The following COL20A1 variants were observed in gnomAD, a reference collection of about 807,000 sequenced individuals.
COL20A1 encodes collagen type XX alpha 1 chain.
Under a neutral mutation model 152.9 loss-of-function variants are expected in COL20A1, and 164 were observed. That is an observed-to-expected ratio of 1.07 (90% confidence interval 0.94 to 1.22). COL20A1 has a LOEUF of 1.22. Among genes scored for constraint, COL20A1 ranks in the 50% most tolerant of loss-of-function variants. The pLI, the probability that COL20A1 is intolerant of heterozygous loss-of-function variation, is 0.00. For missense variants in COL20A1, 1,873 were observed against 1,744.8 expected (o/e 1.07, Z -1.31); for synonymous variants, 864 against 756.0 (o/e 1.14, Z -2.34).
chr20:63,307,573 C>G lies in COL20A1; in HGVS notation c.580C>G (p.His194Asp). The change falls in exon 6 of 36, where the codon CAC becomes GAC. Residue 194 changes from histidine (H) to aspartate (D), a missense_variant. Coordinates refer to ENST00000358894, the MANE Select transcript of COL20A1 (RefSeq NM_020882.4). Reference sequence around the variant, plus strand: ...CGGGTCCTGGAGCATTGGCCACAGTCACTTCCAGCAGGTCAAGGACTTCCT... The same window carrying G: ...CGGGTCCTGGAGCATTGGCCACAGTGACTTCCAGCAGGTCAAGGACTTCCT... ...VDGSWSIGHS[H>D]FQQVKDFLAS... The G allele has an allele frequency of 3.7e-6, 6 of 1,612,708 alleles. No individual in the cohort carries two copies. The highest frequency in any genetic ancestry group is 4.2e-6 in the Non-Finnish European group (5 of 1,179,736).
chr20:63,320,499 G>T, intron 25 of COL20A1, 131 bp downstream of exon 25: 1 of 907,158 alleles, frequency 1.1e-6, no homozygotes, highest in Non-Finnish European at 1.7e-6. Flanking sequence ...AAGGCTTTCA[G>T]AGGAGGCAGC....
intron 9 of COL20A1, 65 bp from the exon 10 acceptor site, chr20:63,309,692 AG>A: frequency 7.1e-7 from 1 of 1,411,356 alleles, no homozygotes. Context: ...AGTGGCCACC[AG>A]GGGGAGCGTG....
At chr20:63,307,020 C>T (rs975075139) in intron 5 of COL20A1, among the ~76,000 whole-genome samples, 4 of 152,226 alleles carry the variant, frequency 2.6e-5, no homozygotes, top group Non-Finnish European at 5.9e-5. Flanking sequence ...CTCGTTCAGG[C>T]ATCTCCCCGG....
At chr20:63,329,761 TGGG>T (rs1422803436) in intron 35 of COL20A1, 100 bp downstream of exon 35, 1 of 830,234 alleles carries the variant, frequency 1.2e-6, no homozygotes, top group Non-Finnish European at 1.8e-6. Context: ...CTGTCCAGGG[TGGG>T]GTGCTGGGAG....
At position 63,311,173 on chromosome 20, in the gene COL20A1, T is replaced by C. The variant is rs1362976936; in HGVS notation, c.1394-221T>C. ...CGGAGGCCACATTCCTCCCATGACC[T>C]CAAGGCAGATGGCCTTAGACAAAAC... is the stretch of plus-strand genomic sequence containing the variant. On this transcript the variant is annotated intron_variant, in intron 11 of 35. Coordinates refer to ENST00000358894, the MANE Select transcript of COL20A1 (RefSeq NM_020882.4). The surrounding 1 kb of genome is among the most constrained non-coding windows in gnomAD (Gnocchi z 4.4). Among the ~76,000 whole-genome samples the C allele has an allele frequency of 6.6e-6, 1 of 152,178 alleles. No individual in the cohort carries two copies. Among genetic ancestry groups the C allele is most frequent in the African/African-American group, 2.4e-5 (1 of 41,430 alleles).
intron 9 of COL20A1, 57 bp from the exon 10 acceptor site, chr20:63,309,701 G>C: frequency 6.9e-7 from 1 of 1,449,456 alleles, no homozygotes; most frequent in South Asian, 1.4e-5. Flanking sequence ...CAGGGGGAGC[G>C]TGGACACAGC....
chr20:63,328,520 G>A (rs2068288136), intron 34 of COL20A1, 22 bp downstream of exon 34: 1 of 1,594,602 alleles, frequency 6.3e-7, no homozygotes. Flanking sequence ...CTGGCTCTTG[G>A]GGAGGGAGTT....
chr20:63,314,274 G>A (rs2068056492), intron 19 of COL20A1, 73 bp downstream of exon 19: 52 of 1,371,098 alleles, frequency 3.8e-5, no homozygotes, highest in Non-Finnish European at 5.0e-5. Flanking sequence ...GACCCTGCCA[G>A]CTCCAGACTC....
intron 10 of COL20A1, 71 bp from the exon 11 acceptor site, chr20:63,310,310 G>T: frequency 1.3e-6 from 2 of 1,543,982 alleles, no homozygotes; most frequent in South Asian, 2.3e-5. Flanking sequence ...TCCAGCTGAC[G>T]GAGTTCCTGT....
At position 63,297,983 on chromosome 20, in the gene COL20A1, C is replaced by T. The variant is rs780383977; in HGVS notation, c.156C>T (p.Ser52=). 10 of 1,612,564 alleles carry T rather than the reference C, an allele frequency of 6.2e-6. No homozygotes were observed. In the Middle Eastern group the frequency reaches 5.0e-4, roughly 80 times the overall value. ...LQMKWRESEG[S]GLGYLVQVKP... Reference sequence around the variant, plus strand: ...TGAAGTGGAGAGAGTCGGAGGGGAGCGGCCTCGGCTACCTGGTGCAGGTGA... The same window carrying T: ...TGAAGTGGAGAGAGTCGGAGGGGAGTGGCCTCGGCTACCTGGTGCAGGTGA... The change falls in exon 3 of 36, where the codon AGC becomes AGT. Residue 52 remains serine, a synonymous_variant. Transcript: ENST00000358894.
chr20:63,309,845 C>A lies in COL20A1; in HGVS notation c.1193C>A (p.Thr398Asn). ...TCCTCCAGCATCCGCCTGTCCTGGA[C>A]TCCAGCCCCCCGGCACCCCCTCAAG... Reference protein sequence around the residue: ...VTSSSIRLSWTPAPRHPLKYL... With the variant: ...VTSSSIRLSWNPAPRHPLKYL... The change falls in exon 10 of 36, where the codon ACT (threonine) becomes AAT (asparagine). Residue 398 changes from threonine to asparagine, a missense_variant. Physicochemically the swap from Thr to Asn is moderately conservative, Grantham distance 65. Transcript: ENST00000358894. 6.2e-7 allele frequency: 1 copy of A among 1,611,440 alleles called. No homozygotes were observed. Among genetic ancestry groups the A allele is most frequent in the Non-Finnish European group, 8.5e-7 (1 of 1,179,256 alleles).
intron 27 of COL20A1, among the ~76,000 whole-genome samples, chr20:63,322,803 C>T (rs1311123687): frequency 6.6e-6 from 1 of 152,268 alleles, no homozygotes; most frequent in Non-Finnish European, 1.5e-5. Flanking sequence ...ACCTCTCCCC[C>T]GGCAGCCTTC....
rs2068027926 is a variant in COL20A1, at chr20:63,312,779, C to A, written c.1934-13C>A. 1 of 1,538,088 alleles carries A rather than the reference C, an allele frequency of 6.5e-7. No individual in the cohort carries two copies. The highest frequency in any genetic ancestry group is 2.4e-5 in the East Asian group (1 of 41,292). ...GGGGCTACACCCCCAGCCTGTGTCTCCACTTCCTTCAGAGAAAGCTCCCAG... is the reference window on the plus strand; with the variant it reads ...GGGGCTACACCCCCAGCCTGTGTCTACACTTCCTTCAGAGAAAGCTCCCAG... On this transcript the variant is annotated splice_polypyrimidine_tract_variant and intron_variant, in intron 15 of 35. Transcript: ENST00000358894.
In COL20A1 at chr20:63,312,881, G is replaced by T. The variant is rs576129173; in HGVS notation, c.2023G>T (p.Val675Leu). The change falls in exon 16 of 36, where the codon GTG becomes TTG. Residue 675 changes from valine to leucine, a missense_variant. Physicochemically the swap from Val to Leu is conservative, Grantham distance 32. Coordinates refer to ENST00000358894, the MANE Select transcript of COL20A1 (RefSeq NM_020882.4). ...GTGGGTGGCCGCAGCCCCGTCTGGC[G>T]TGCTTGTCTACCAGATCACGTGGAC... ...LAWVAAAPSGVLVYQITWTPL... is the reference protein window; with the variant it reads ...LAWVAAAPSGLLVYQITWTPL... 2.8e-5 allele frequency: 43 copies of T among 1,557,372 alleles called. No individual in the cohort carries two copies. In the Admixed American group the frequency reaches 7.3e-4, roughly 26 times the overall value.
chr20:63,306,014 A>G lies in COL20A1; in HGVS notation c.471A>G (p.Thr157=), dbSNP rs2067921181. The change falls in exon 5 of 36, where the codon ACA becomes ACG. Residue 157 remains threonine, a synonymous_variant. Transcript: ENST00000358894. This position sits in a 1 kb window ranked among gnomAD's most constrained non-coding sequence, Gnocchi z 6.9. ...CTTCTGAGCCCCAAGTTGCCTTCAC[A>G]CCAAGCCAGGATCCGCGCACTCCTG... is the stretch of plus-strand genomic sequence containing the variant. ...EQASEPQVAF[T]PSQDPRTPAG... is the part of the protein sequence containing the mutation. 6.2e-7 allele frequency: 1 copy of G among 1,612,440 alleles called. No individual in the cohort carries two copies. Among genetic ancestry groups the G allele is most frequent in the Non-Finnish European group, 8.5e-7 (1 of 1,179,606 alleles).
Position 63,313,874 on chromosome 20 carries a change from T to C in COL20A1, c.2341T>C (p.Leu781=). 3 of 1,604,414 alleles carry C rather than the reference T, an allele frequency of 1.9e-6. No individual in the cohort carries two copies. The highest frequency in any genetic ancestry group is 2.6e-6 in the Non-Finnish European group (3 of 1,176,132). Residue 781 remains leucine (L), a synonymous_variant, in exon 18 of 36, where the codon TTG becomes CTG. Transcript: ENST00000358894. This position sits in a 1 kb window ranked among gnomAD's most constrained non-coding sequence, Gnocchi z 5.9. ...GCTCACCTACGCCCCCGCCTCTGGC[T>C]TGGGACCCGAGAAATCCGTGAGTCT... The part of the protein sequence containing the change: ...YWLTYAPASG[L]GPEKSVSVPG...
intron 2 of COL20A1, among the ~76,000 whole-genome samples, chr20:63,295,956 G>T (rs6090347): frequency 8.1e-4 from 123 of 152,384 alleles, no homozygotes; most frequent in African/African-American, 2.8e-3. Context: ...GTTTTGTTCC[G>T]CTGGGGTGAA....
At chr20:63,307,893 C>T in intron 6 of COL20A1, 78 bp from the exon 7 acceptor site, 1 of 1,544,952 alleles carries the variant, frequency 6.5e-7, no homozygotes, top group Non-Finnish European at 8.8e-7. Context: ...GTGCAGCTCT[C>T]AGGTGTGGCC....
intron 10 of COL20A1, among the ~76,000 whole-genome samples, chr20:63,310,140 C>T (rs1218220059): frequency 6.6e-6 from 1 of 152,126 alleles, no homozygotes; most frequent in Non-Finnish European, 1.5e-5. Context: ...AGGGGGCGTT[C>T]CGAGGGTGCT....
Sources: gnomAD v4.1 joint callset for allele counts (sites outside exome capture counted in the v4.1 genomes callset) on GRCh38, gnomAD v4.1.1 for gene constraint, Gnocchi (gnomAD v3.1) non-coding constraint, MANE v1.5 for transcripts, NCBI Gene and HGNC (gene_info 2026-07-23, HGNC 2026-07-21) for gene names.